ATF2: variants seen among roughly 807,000 people sequenced by gnomAD.
ATF2 encodes the protein activating transcription factor 2.
ATF2 carries 24 observed loss-of-function variants against 60.6 expected under a neutral mutation model. The ratio of observed to expected loss-of-function variants is 0.40; its 90% confidence interval spans 0.29 to 0.56. The LOEUF is 0.56. Ranked by LOEUF, ATF2 falls within the 20% of genes least tolerant of loss-of-function variation. The pLI is 0.54. For synonymous variants in ATF2, 206 were observed against 215.4 expected (o/e 0.96, Z 0.38); for missense variants, 433 against 607.7 (o/e 0.71, Z 3.02).
At chr2:175,113,650 C>T (rs1165162402) in intron 9 of ATF2, among the ~76,000 whole-genome samples, 1 of 151,908 alleles carries the variant, frequency 6.6e-6, no homozygotes, top group African/African-American at 2.4e-5. Context: ...AATTTCCATA[C>T]TAATAGAAAT....
At chr2:175,077,262 T>G (rs187419226) in intron 13 of ATF2, among the ~76,000 whole-genome samples, 2 of 152,118 alleles carry the variant, frequency 1.3e-5, no homozygotes, top group African/African-American at 2.4e-5. Context: ...AAACATACAT[T>G]TGCATGTGCC....
intron 10 of ATF2, among the ~76,000 whole-genome samples, chr2:175,108,958 A>G (rs765540763): frequency 2.6e-4 from 39 of 152,110 alleles, no homozygotes; most frequent in African/African-American, 9.4e-4. Flanking sequence ...TTTGTTAAAC[A>G]GATGCATGAA....
intron 10 of ATF2, among the ~76,000 whole-genome samples, chr2:175,108,276 G>A (rs1022318755): frequency 2.0e-5 from 3 of 152,046 alleles, no homozygotes; most frequent in African/African-American, 7.2e-5. Context: ...CGTCTGGGAA[G>A]CCAGGAGCGT....
intron 2 of ATF2, among the ~76,000 whole-genome samples, chr2:175,142,249 C>T (rs1032863861): frequency 2.1e-5 from 3 of 146,198 alleles, no homozygotes; most frequent in African/African-American, 7.7e-5. Context: ...TGCAATGTTG[C>T]GTCTCGGCTC....
chr2:175,156,053 G>A (rs1699657963), intron 1 of ATF2, among the ~76,000 whole-genome samples: 1 of 152,038 alleles, frequency 6.6e-6, no homozygotes, highest in Admixed American at 6.6e-5. Context: ...CACCACAAAA[G>A]GAACAGTGCA....
intron 1 of ATF2, among the ~76,000 whole-genome samples, chr2:175,159,768 AGAAT>A (rs2105358218): frequency 6.6e-6 from 1 of 152,336 alleles, no homozygotes; most frequent in South Asian, 2.1e-4. Context: ...AAATTATAAT[AGAAT>A]AACAAATACA....
At chr2:175,140,586 A>G (rs551582548) in intron 2 of ATF2, among the ~76,000 whole-genome samples, 6 of 152,302 alleles carry the variant, frequency 3.9e-5, no homozygotes, top group African/African-American at 1.4e-4. Flanking sequence ...GTGTATACAT[A>G]TAAGTCAAAA....
intron 12 of ATF2, among the ~76,000 whole-genome samples, chr2:175,084,099 T>G (rs1432749603): frequency 1.3e-5 from 2 of 152,068 alleles, no homozygotes; most frequent in Non-Finnish European, 2.9e-5. Flanking sequence ...TCCTCAGGGA[T>G]CTAGAACTAG....
chr2:175,097,764 A>G (rs1382279657), intron 10 of ATF2, among the ~76,000 whole-genome samples, 171 bp from the exon 11 acceptor site: 1 of 152,168 alleles, frequency 6.6e-6, no homozygotes, highest in Non-Finnish European at 1.5e-5. Context: ...ATAATAATAA[A>G]GGCCTTAAAA....
chr2:175,108,300 C>T (rs1219410860), intron 10 of ATF2, among the ~76,000 whole-genome samples: 3 of 151,986 alleles, frequency 2.0e-5, no homozygotes, highest in African/African-American at 7.2e-5. Context: ...CGTCCGGCAG[C>T]CACCCCGTCC....
intron 9 of ATF2, among the ~76,000 whole-genome samples, chr2:175,113,258 T>C (rs1696324704): frequency 6.6e-6 from 1 of 151,954 alleles, no homozygotes; most frequent in Non-Finnish European, 1.5e-5. Context: ...TAAATGTTCA[T>C]TAAACTATTA....
chr2:175,130,730 T>C (rs949185154), intron 3 of ATF2, among the ~76,000 whole-genome samples: 10 of 152,248 alleles, frequency 6.6e-5, no homozygotes, highest in Middle Eastern at 3.4e-3. Flanking sequence ...GGAAGCACTA[T>C]AGAAGACTCA....
In ATF2 at chr2:175,146,787, A is replaced by G. The variant is rs185390830; in HGVS notation, c.-44+4273T>C. Among the ~76,000 whole-genome samples the G allele has an allele frequency of 1.2e-3, 185 of 150,988 alleles. 1 individual carries two copies. Among genetic ancestry groups the G allele is most frequent in the Non-Finnish European group, 1.9e-4 (13 of 67,696 alleles). Reference sequence around the variant, plus strand: ...TCCAGGCTATATATGCTACCTGCTCATTACTACATAGGAAAAAAAATAGCA... The same window carrying G: ...TCCAGGCTATATATGCTACCTGCTCGTTACTACATAGGAAAAAAAATAGCA... On this transcript the variant is annotated intron_variant, in intron 2 of 13. Transcript: ENST00000264110.
intron 7 of ATF2, among the ~76,000 whole-genome samples, chr2:175,115,078 GTT>G (rs1553507822): frequency 6.9e-6 from 1 of 144,034 alleles, no homozygotes. Flanking sequence ...AAAAAGACTC[GTT>G]TTTTTTTTTT....
chr2:175,146,416 CCTGA>C (rs1351592960), intron 2 of ATF2, among the ~76,000 whole-genome samples: 1 of 152,292 alleles, frequency 6.6e-6, no homozygotes, highest in Admixed American at 6.5e-5. Context: ...ATGTTAACTT[CCTGA>C]CTTTCATGGA....
At chr2:175,094,535 T>C (rs1382084091) in intron 11 of ATF2, among the ~76,000 whole-genome samples, 1 of 151,804 alleles carries the variant, frequency 6.6e-6, no homozygotes, top group Non-Finnish European at 1.5e-5. Flanking sequence ...TTACCTATAA[T>C]TTATTATATT....
At chr2:175,124,843 C>G (rs894606956) in intron 4 of ATF2, among the ~76,000 whole-genome samples, 1 of 151,968 alleles carries the variant, frequency 6.6e-6, no homozygotes, top group African/African-American at 2.4e-5. Flanking sequence ...ATATGGAAGA[C>G]TAACAAAGAT....
chr2:175,154,279 GAACT>G (rs949248838), intron 1 of ATF2, among the ~76,000 whole-genome samples: 2 of 149,514 alleles, frequency 1.3e-5, no homozygotes, highest in African/African-American at 2.5e-5. Context: ...ATTTTGTTAA[GAACT>G]AACACACAGA....
intron 2 of ATF2, among the ~76,000 whole-genome samples, chr2:175,142,255 G>A (rs1472296406): frequency 1.4e-5 from 2 of 148,108 alleles, no homozygotes; most frequent in Non-Finnish European, 3.0e-5. Context: ...GTTGCGTCTC[G>A]GCTCACTGCA....
Sources: allele counts gnomAD v4.1 joint callset (sites outside exome capture counted in the v4.1 genomes callset), GRCh38; gene constraint gnomAD v4.1.1; transcripts MANE v1.5; gene names NCBI Gene and HGNC (gene_info 2026-07-23, HGNC 2026-07-21).